The following CSNK2A2IP variants were observed in gnomAD, a reference collection of about 807,000 sequenced individuals.
The protein encoded by CSNK2A2IP is casein kinase 2 subunit alpha' interacting protein, also known as casein kinase II subunit alpha'-interacting protein.
the CSNK2A2IP span, among the ~76,000 whole-genome samples, chr3:88,366,929 A>G: frequency 6.6e-6 from 1 of 152,120 alleles, no homozygotes; most frequent in Non-Finnish European, 1.5e-5. Flanking sequence ...ATGAGAGCCA[A>G]GTGAAAGGGG....
At chr3:88,348,066 T>A in the CSNK2A2IP span, among the ~76,000 whole-genome samples, 2 of 152,024 alleles carry the variant, frequency 1.3e-5, no homozygotes. Flanking sequence ...AGGTTTTATA[T>A]GGGGACAGTA....
the CSNK2A2IP span, among the ~76,000 whole-genome samples, chr3:88,407,857 G>A: frequency 0.021 from 3,214 of 151,958 alleles, 51 homozygotes; most frequent in Middle Eastern, 0.11. Flanking sequence ...CCGAGTAGCT[G>A]GGATTACAGA....
At chr3:88,364,554 G>C in the CSNK2A2IP span, among the ~76,000 whole-genome samples, 1 of 151,972 alleles carries the variant, frequency 6.6e-6, no homozygotes, top group African/African-American at 2.4e-5. Context: ...ATAGAAAGGA[G>C]ATAATATAGG....
chr3:88,434,254 T>G, the CSNK2A2IP span, among the ~76,000 whole-genome samples: 29 of 152,116 alleles, frequency 1.9e-4, no homozygotes, highest in Admixed American at 1.3e-3. Context: ...CTAACAATAC[T>G]GGAGCAGAAA....
the CSNK2A2IP span, among the ~76,000 whole-genome samples, chr3:88,427,420 T>C: frequency 6.6e-6 from 1 of 152,158 alleles, no homozygotes; most frequent in African/African-American, 2.4e-5. Context: ...CTGCAGAAAT[T>C]TGCATAAGTA....
At chr3:88,413,409 G>A in the CSNK2A2IP span, among the ~76,000 whole-genome samples, 2 of 151,930 alleles carry the variant, frequency 1.3e-5, no homozygotes, top group South Asian at 4.1e-4. Context: ...AACATTTTGA[G>A]GATGATTGGG....
At chr3:88,425,571 A>G in the CSNK2A2IP span, among the ~76,000 whole-genome samples, 2 of 152,128 alleles carry the variant, frequency 1.3e-5, no homozygotes, top group Non-Finnish European at 2.9e-5. Flanking sequence ...TGACTGAAGA[A>G]AATATCTTTG....
chr3:88,356,892 T>A, the CSNK2A2IP span, among the ~76,000 whole-genome samples: 1 of 152,178 alleles, frequency 6.6e-6, no homozygotes, highest in Non-Finnish European at 1.5e-5. Flanking sequence ...CTTTTTTATG[T>A]CCTCTTTTGA....
the CSNK2A2IP span, among the ~76,000 whole-genome samples, chr3:88,435,874 TGTGC>T: frequency 1.4e-5 from 1 of 69,570 alleles, no homozygotes; most frequent in Non-Finnish European, 3.1e-5. Context: ...TAAATTTTAA[TGTGC>T]ATTATATATA....
the CSNK2A2IP span, among the ~76,000 whole-genome samples, chr3:88,411,861 TAAG>T: frequency 6.6e-6 from 1 of 151,120 alleles, no homozygotes; most frequent in African/African-American, 2.4e-5. Context: ...CAACATATAA[TAAG>T]AAAATATTTT....
chr3:88,445,275 C>CAAAAAAA, the CSNK2A2IP span, among the ~76,000 whole-genome samples: 1,575 of 47,716 alleles, frequency 0.033, 143 homozygotes, highest in African/African-American at 0.1. Context: ...GTAAAAATAC[C>CAAAAAAA]AAAAAAAAAA....
chr3:88,466,338 G>A, the CSNK2A2IP span: 1 of 1,231,734 alleles, frequency 8.1e-7, no homozygotes, highest in South Asian at 4.1e-5. Flanking sequence ...CAATGTTTAT[G>A]CTTGATTGTA....
At chr3:88,379,478 G>A in the CSNK2A2IP span, among the ~76,000 whole-genome samples, 1 of 152,092 alleles carries the variant, frequency 6.6e-6, no homozygotes, top group Non-Finnish European at 1.5e-5. Context: ...GCAATTAATA[G>A]TAGTGATAAT....
chr3:88,353,577 G>A, the CSNK2A2IP span, among the ~76,000 whole-genome samples: 1 of 152,180 alleles, frequency 6.6e-6, no homozygotes, highest in Non-Finnish European at 1.5e-5. Context: ...TAGGATGAGA[G>A]TATTAAACTA....
the CSNK2A2IP span, among the ~76,000 whole-genome samples, chr3:88,440,791 C>G: frequency 6.6e-6 from 1 of 152,110 alleles, no homozygotes; most frequent in African/African-American, 2.4e-5. Context: ...CAGAAGTCAT[C>G]TAGAGATTAT....
the CSNK2A2IP span, among the ~76,000 whole-genome samples, chr3:88,428,830 T>C: frequency 6.6e-6 from 1 of 152,054 alleles, no homozygotes; most frequent in East Asian, 1.9e-4. Context: ...CTAACTTGTT[T>C]CCATTTCTTA....
the CSNK2A2IP span, among the ~76,000 whole-genome samples, chr3:88,363,870 T>G: frequency 6.6e-6 from 1 of 152,196 alleles, no homozygotes; most frequent in African/African-American, 2.4e-5. Flanking sequence ...GGAAAAGGCA[T>G]GCTTCCTAAC....
chr3:88,464,979 C>A, the CSNK2A2IP span: 1 of 161,860 alleles, frequency 6.2e-6, no homozygotes, highest in African/African-American at 2.4e-5. Flanking sequence ...CATGTAGTGG[C>A]TGGAATTTGA....
At chr3:88,367,491 T>TA in the CSNK2A2IP span, among the ~76,000 whole-genome samples, 1 of 152,042 alleles carries the variant, frequency 6.6e-6, no homozygotes, top group Non-Finnish European at 1.5e-5. Context: ...GTAATTAAGA[T>TA]AAAAAAAGAT....
Sources: allele counts gnomAD v4.1 joint callset (sites outside exome capture counted in the v4.1 genomes callset), GRCh38; gene constraint gnomAD v4.1.1; transcripts MANE v1.5; gene names NCBI Gene and HGNC (gene_info 2026-07-23, HGNC 2026-07-21).